GAB2: variants seen among roughly 807,000 people sequenced by gnomAD.
GAB2 encodes the protein GRB2-associated-binding protein 2.
A neutral mutation model predicts 65.5 loss-of-function variants in GAB2; 26 were observed. The observed-to-expected ratio is 0.40, with a 90% CI of 0.29 to 0.55. The LOEUF is 0.55. Among genes scored for constraint, GAB2 ranks in the 20% least tolerant of loss-of-function variants. The probability of loss-of-function intolerance (pLI) is 0.53; values close to 1 mark genes in which losing one functional copy is unlikely to be tolerated. For missense variants in GAB2, 884 were observed against 875.8 expected, an observed-to-expected ratio of 1.01 and a Z score of -0.12; for synonymous variants, 321 against 329.6, an observed-to-expected ratio of 0.97 and a Z score of 0.28.
intron 1 of GAB2, among the ~76,000 whole-genome samples, chr11:78,346,721 AAT>A (rs374133179): frequency 8.7e-5 from 3 of 34,578 alleles, no homozygotes; most frequent in East Asian, 1.0e-3. Flanking sequence ...ATATATATAT[AAT>A]TTTTTTTTTT....
At chr11:78,322,467 A>C (rs988457164) in intron 1 of GAB2, among the ~76,000 whole-genome samples, 2 of 151,998 alleles carry the variant, frequency 1.3e-5, no homozygotes, top group African/African-American at 2.4e-5. Context: ...GGACCTAATT[A>C]AACTGAAGAG....
rs577618233 is a variant in GAB2 at position 78,328,013 on chromosome 11, GC to G, written c.76-47113del. Among the ~76,000 whole-genome samples the G allele has an allele frequency of 1.9e-3, 286 of 152,254 alleles. 1 individual carries two copies. Among genetic ancestry groups the G allele is most frequent in the African/African-American group, 6.7e-3 (278 of 41,550 alleles). The stretch of plus-strand genomic sequence containing the variant: ...GGAATTTGTTGTGGGTGACAGGAAG[GC>G]CTAGAAGTGGAAAAGTGGGAAAGTC... On this transcript the variant is annotated intron_variant, in intron 1 of 9. Transcript: ENST00000361507.
intron 1 of GAB2, among the ~76,000 whole-genome samples, chr11:78,289,060 T>C (rs2134601193): frequency 6.6e-6 from 1 of 152,100 alleles, no homozygotes; most frequent in East Asian, 2.0e-4. Flanking sequence ...AAACAGACCC[T>C]CACAATATGC....
chr11:78,273,900 C>A (rs557490466), intron 2 of GAB2, among the ~76,000 whole-genome samples: 1 of 152,184 alleles, frequency 6.6e-6, no homozygotes, highest in Non-Finnish European at 1.5e-5. Context: ...AGCTCTCTCT[C>A]GGCCTGCTGC....
chr11:78,386,588 G>A (rs1448997178), intron 1 of GAB2, among the ~76,000 whole-genome samples: 1 of 152,166 alleles, frequency 6.6e-6, no homozygotes, highest in Non-Finnish European at 1.5e-5. Flanking sequence ...CTGTCCTTAT[G>A]GCTGATCAGC....
intron 2 of GAB2, among the ~76,000 whole-genome samples, chr11:78,260,382 C>G (rs1015026614): frequency 1.3e-5 from 2 of 152,180 alleles, no homozygotes; most frequent in Admixed American, 6.5e-5. Context: ...CCTGGTCACA[C>G]GTCCTTTTAC....
At chr11:78,325,094 C>A (rs952940061) in intron 1 of GAB2, among the ~76,000 whole-genome samples, 1 of 152,176 alleles carries the variant, frequency 6.6e-6, no homozygotes, top group East Asian at 1.9e-4. Context: ...TACCTGCACA[C>A]TGCTACTTGA....
rs749827688 is a variant in GAB2, at chr11:78,223,446, G to T, written c.1533C>A (p.Pro511=). Reference sequence around the variant, plus strand: ...CAGGTTTGAGGTTGCGGTTGACAGGGGGTGGCTGAATCTCACTTCCTCTGC... The same window carrying T: ...CAGGTTTGAGGTTGCGGTTGACAGGTGGTGGCTGAATCTCACTTCCTCTGC... ...GPSRGSEIQP[P]PVNRNLKPDR... The change falls in exon 6 of 10, where the codon CCC becomes CCA. Residue 511 remains proline (P), a synonymous_variant. Transcript: ENST00000361507. 35 of 1,579,446 alleles carry T rather than the reference G, an allele frequency of 2.2e-5. No homozygotes were observed. Among genetic ancestry groups the T allele is most frequent in the Non-Finnish European group, 3.0e-5 (35 of 1,161,208 alleles).
chr11:78,274,119 A>T lies in GAB2; in HGVS notation c.376+6482T>A, dbSNP rs116389486. 7.0e-3 allele frequency among the ~76,000 whole-genome samples: 1,061 copies of T among 152,258 alleles called. 10 individuals are homozygous for T. The highest frequency in any genetic ancestry group is 0.024 in the African/African-American group (997 of 41,542). ...GTGAGACCCTGTCTCTACAAAATTTAAAAAATTTAGCTGGGTGTAGTGGTG... is the reference window on the plus strand; with the variant it reads ...GTGAGACCCTGTCTCTACAAAATTTTAAAAATTTAGCTGGGTGTAGTGGTG... On this transcript the variant is annotated intron_variant, in intron 2 of 9. Coordinates refer to ENST00000361507, the MANE Select transcript of GAB2 (RefSeq NM_080491.3).
At chr11:78,243,446 T>C (rs1484828283) in intron 3 of GAB2, among the ~76,000 whole-genome samples, 1 of 148,366 alleles carries the variant, frequency 6.7e-6, no homozygotes, top group Admixed American at 6.7e-5. Context: ...CCAGCCTGGG[T>C]GACACAGCGA....
intron 3 of GAB2, among the ~76,000 whole-genome samples, chr11:78,239,986 C>T (rs1476944075): frequency 6.6e-6 from 1 of 152,032 alleles, no homozygotes; most frequent in Non-Finnish European, 1.5e-5. Context: ...CATTCCAAAG[C>T]TGAGCTGTGA....
At chr11:78,221,554 A>C (rs1186383026) in intron 8 of GAB2, 123 bp downstream of exon 8, 1 of 537,970 alleles carries the variant, frequency 1.9e-6, no homozygotes, top group African/African-American at 1.9e-5. Context: ...AGGAGACTAA[A>C]TCATGAATAA....
chr11:78,397,453 G>A (rs935521561), intron 1 of GAB2, among the ~76,000 whole-genome samples: 7 of 152,190 alleles, frequency 4.6e-5, no homozygotes, highest in African/African-American at 9.7e-5. Context: ...AAGGCCTGAC[G>A]GTGACACAGG....
intron 1 of GAB2, among the ~76,000 whole-genome samples, chr11:78,363,668 T>C (rs1856462686): frequency 6.6e-6 from 1 of 151,844 alleles, no homozygotes; most frequent in East Asian, 1.9e-4. Flanking sequence ...CACTGCAGTC[T>C]TCACCTCCCA....
intron 2 of GAB2, among the ~76,000 whole-genome samples, chr11:78,268,429 C>A (rs1442970583): frequency 6.6e-6 from 1 of 152,112 alleles, no homozygotes; most frequent in Admixed American, 6.6e-5. Context: ...TCCAAGGTGA[C>A]CTTACCACTA....
At chr11:78,225,993 A>G (rs1864634318) in intron 4 of GAB2, among the ~76,000 whole-genome samples, 1 of 152,268 alleles carries the variant, frequency 6.6e-6, no homozygotes, top group South Asian at 2.1e-4. Context: ...TACTTCAAAT[A>G]AAAGTTTTGA....
Position 78,275,670 on chromosome 11 carries a change from G to C in GAB2, c.376+4931C>G, listed in dbSNP as rs887532972. The stretch of plus-strand genomic sequence containing the variant: ...GATGATATTCTTGCTCTGATAATTA[G>C]AACACTAGACATCTAATAAAATAAT... On this transcript the variant is annotated intron_variant, in intron 2 of 9. Coordinates refer to ENST00000361507, the MANE Select transcript of GAB2 (RefSeq NM_080491.3). Among the ~76,000 whole-genome samples, 4 of 152,142 alleles carry C rather than the reference G, an allele frequency of 2.6e-5. 1 individual carries two copies. The highest frequency in any genetic ancestry group is 9.6e-5 in the African/African-American group (4 of 41,512).
chr11:78,334,248 A>C (rs1855962681), intron 1 of GAB2, among the ~76,000 whole-genome samples: 1 of 152,234 alleles, frequency 6.6e-6, no homozygotes, highest in Non-Finnish European at 1.5e-5. Flanking sequence ...TTTGTGTTAC[A>C]AATAATCCAA....
intron 1 of GAB2, among the ~76,000 whole-genome samples, chr11:78,312,978 T>C (rs1319703972): frequency 1.3e-5 from 2 of 151,944 alleles, no homozygotes; most frequent in Non-Finnish European, 2.9e-5. Context: ...GTGTGTAATA[T>C]AAAACATGAT....
Sources: gnomAD v4.1 joint callset for allele counts (sites outside exome capture counted in the v4.1 genomes callset) on GRCh38, gnomAD v4.1.1 for gene constraint, MANE v1.5 for transcripts, NCBI Gene and HGNC (gene_info 2026-07-23, HGNC 2026-07-21) for gene names.